The following MACF1 variants were observed in gnomAD, a reference collection of about 807,000 sequenced individuals.
MACF1 encodes microtubule actin crosslinking factor 1.
In MACF1, 193 loss-of-function variants were observed where a neutral mutation model predicts 854.8. The observed-to-expected ratio is 0.23, with a 90% CI of 0.20 to 0.25. The LOEUF (loss-of-function observed/expected upper bound fraction) is 0.25. MACF1 is among the 10% of genes least tolerant of loss of function. The pLI is 1.00. For missense variants in MACF1, 7,722 were observed against 8,929.1 expected, an observed-to-expected ratio of 0.86 and a Z score of 5.45; for synonymous variants, 3,185 against 3,226.7, an observed-to-expected ratio of 0.99 and a Z score of 0.44.
chr1:39,105,769 C>T lies in MACF1; in HGVS notation c.220+21331C>T. 9.5e-7 allele frequency: 1 copy of T among 1,055,714 alleles called. No homozygotes were observed. The highest frequency in any genetic ancestry group is 1.2e-6 in the Non-Finnish European group (1 of 868,496). The allele number at this position is 1,055,714 out of a possible 1,614,324, so 65.4% of individuals were successfully genotyped here. A position where few individuals can be genotyped will look rare whatever the true frequency, so the allele number is the denominator to read the frequency against. On this transcript the variant is annotated intron_variant, in intron 2 of 93. Transcript: ENST00000361689. This position sits in a 1 kb window ranked among gnomAD's most constrained non-coding sequence, Gnocchi z 5.9. Reference sequence around the variant, plus strand: ...AGGCCCGCGGGCCGGCGCAGCGTGGCCTTCGGAGCCGGTCGGCTCGGCGGC... The same window carrying T: ...AGGCCCGCGGGCCGGCGCAGCGTGGTCTTCGGAGCCGGTCGGCTCGGCGGC...
chr1:39,318,398 A>T lies in MACF1; in HGVS notation c.3783-55A>T, dbSNP rs1025942455. On this transcript the variant is annotated intron_variant, in intron 29 of 100. Coordinates refer to ENST00000564288, the MANE Select transcript of MACF1 (RefSeq NM_001394062.1). ...GGTTAAAGAGGGAATTACCTCATTT[A>T]CTTTATTGTATTTGTACCAAGGTAT... The T allele has an allele frequency of 4.7e-6, 7 of 1,496,216 alleles. No homozygotes were observed. In the Admixed American group the frequency reaches 1.1e-4, roughly 23 times the overall value. The allele number at this position is 1,496,216 out of a possible 1,614,324, so 92.7% of individuals were successfully genotyped here.
At chr1:39,271,112 G>A (rs944484339) in intron 6 of MACF1, among the ~76,000 whole-genome samples, 3 of 152,178 alleles carry the variant, frequency 2.0e-5, no homozygotes, top group Admixed American at 6.5e-5. Flanking sequence ...GATATGGGGC[G>A]CATGAATGTA....
Position 39,414,505 on chromosome 1 carries a change from G to A in MACF1, c.15817-7869G>A, listed in dbSNP as rs750855700. Reference sequence around the variant, plus strand: ...AATTGTCCATTTTGATTCTGGGAAGGGTCTAAAGAGTAAAGTGAGATTTGC... The same window carrying A: ...AATTGTCCATTTTGATTCTGGGAAGAGTCTAAAGAGTAAAGTGAGATTTGC... On this transcript the variant is annotated intron_variant, in intron 58 of 100. Transcript: ENST00000564288. 4 of 1,612,782 alleles carry A rather than the reference G, an allele frequency of 2.5e-6. No individual in the cohort carries two copies. In the South Asian group the frequency reaches 4.4e-5, roughly 18 times the overall value.
Position 39,105,322 on chromosome 1 carries a change from GCCGCCGCCGCCGC to G in MACF1, c.220+20892_220+20904del. 1 of 822,574 alleles carries G rather than the reference GCCGCCGCCGCCGC, an allele frequency of 1.2e-6. No individual in the cohort carries two copies. Among genetic ancestry groups the G allele is most frequent in the South Asian group, 5.5e-5 (1 of 18,228 alleles). 51.0% of individuals were successfully genotyped at this position (822,574 alleles called of 1,614,324 possible). A position where few individuals can be genotyped will look rare whatever the true frequency, so the allele number is the denominator to read the frequency against. ...GGGCCTGGCGCTCCTGACAGGAGGAGCCGCCGCCGCCGCCCGCCGCTGCAGCCGCGCCGGGGCG... is the reference window on the plus strand; with the variant it reads ...GGGCCTGGCGCTCCTGACAGGAGGAGCCGCCGCTGCAGCCGCGCCGGGGCG... On this transcript the variant is annotated intron_variant, in intron 2 of 93. Coordinates refer to the MACF1 transcript ENST00000361689. This position sits in a 1 kb window ranked among gnomAD's most constrained non-coding sequence, Gnocchi z 5.9.
Position 39,413,075 on chromosome 1 carries a change from C to G in MACF1, c.15817-9299C>G, listed in dbSNP as rs1472263703. On this transcript the variant is annotated intron_variant, in intron 58 of 100. Transcript: ENST00000564288. ...CCAGAGGAGACTGCTCCAGCTGTTG[C>G]AGCAGCCATCACACAGGAGGGTATG... 1.9e-6 allele frequency: 3 copies of G among 1,600,840 alleles called. No individual in the cohort carries two copies. The Admixed American group carries it at 5.2e-5, about 28-fold the overall frequency.
chr1:39,130,161 C>A (rs1257553278), intron 2 of MACF1, among the ~76,000 whole-genome samples: 3 of 152,154 alleles, frequency 2.0e-5, no homozygotes, highest in African/African-American at 7.2e-5. Flanking sequence ...ATTTTTCCCC[C>A]CCATTCATGG....
In MACF1 at chr1:39,439,286, A is replaced by T; in HGVS notation, c.18233A>T (p.Lys6078Ile). The T allele has an allele frequency of 1.2e-6, 2 of 1,610,284 alleles. No homozygotes were observed. The highest frequency in any genetic ancestry group is 1.7e-6 in the Non-Finnish European group (2 of 1,176,596). The change falls in exon 72 of 101, where the codon AAA (lysine) becomes ATA (isoleucine). Residue 6078 changes from lysine (K) to isoleucine (I), a missense_variant. Lys to Ile is a moderately radical substitution (Grantham distance 102). This residue lies in a region of MACF1 where 2,807 missense variants were observed against 3,235.8 expected (regional missense o/e 0.87). Transcript: ENST00000564288. ...TTAACCTCCTCAGAAATCCAGGATAAATTGGATCAAATGGTATTCTTCTGG... is the reference window on the plus strand; with the variant it reads ...TTAACCTCCTCAGAAATCCAGGATATATTGGATCAAATGGTATTCTTCTGG... The part of the protein sequence containing the change: ...KDLAAKEIQD[K>I]LDQMVFFWED...
rs368703261 is a variant in MACF1, at chr1:39,355,375, A to G, written c.11425-2000A>G. Among the ~76,000 whole-genome samples the G allele has an allele frequency of 2.0e-5, 3 of 152,148 alleles. No individual in the cohort carries two copies. The East Asian group carries it at 5.8e-4, about 29-fold the overall frequency. The stretch of plus-strand genomic sequence containing the variant: ...AGAATGAAGGACACCTAGGTGATAT[A>G]CAGACAAGGTTGTAGTACCGCTCCC... On this transcript the variant is annotated intron_variant, in intron 44 of 100. Transcript: ENST00000564288.
At chr1:39,403,360 A>T (rs1297994324) in intron 58 of MACF1, among the ~76,000 whole-genome samples, 1 of 152,118 alleles carries the variant, frequency 6.6e-6, no homozygotes, top group African/African-American at 2.4e-5. Context: ...CGGCCTCCCA[A>T]AGTGCTGGGA....
chr1:39,365,490 A>G (rs1648622455), intron 49 of MACF1, among the ~76,000 whole-genome samples: 1 of 152,184 alleles, frequency 6.6e-6, no homozygotes, highest in Admixed American at 6.5e-5. Flanking sequence ...TTCAACTGCT[A>G]AGTATAATGC....
intron 58 of MACF1, among the ~76,000 whole-genome samples, chr1:39,408,353 C>G (rs926434879): frequency 2.0e-5 from 3 of 152,150 alleles, no homozygotes; most frequent in South Asian, 2.1e-4. Flanking sequence ...TGAGCGTGAC[C>G]GAATTCCTTT....
At chr1:39,278,077 G>A (rs2148372920) in intron 6 of MACF1, among the ~76,000 whole-genome samples, 1 of 152,308 alleles carries the variant, frequency 6.6e-6, no homozygotes, top group East Asian at 1.9e-4. Flanking sequence ...ATATTCTCAG[G>A]CATACTGTTG....
chr1:39,223,865 AT>A (rs1334378608), intron 1 of MACF1, among the ~76,000 whole-genome samples: 1 of 152,150 alleles, frequency 6.6e-6, no homozygotes, highest in Non-Finnish European at 1.5e-5. Context: ...TCACTGAAGG[AT>A]TTTAAGTTAC....
At chr1:39,289,626 A>G (rs1645727682) in intron 15 of MACF1, among the ~76,000 whole-genome samples, 1 of 131,564 alleles carries the variant, frequency 7.6e-6, no homozygotes, top group African/African-American at 2.9e-5. Flanking sequence ...CTCCTTATAT[A>G]TTCCAGTTAT....
intron 2 of MACF1, among the ~76,000 whole-genome samples, chr1:39,118,154 G>C (rs1357039965): frequency 1.3e-5 from 2 of 152,250 alleles, no homozygotes; most frequent in Non-Finnish European, 2.9e-5. Context: ...GGCTCTTCTG[G>C]TACAGTTATC....
chr1:39,190,010 A>C lies in MACF1; in HGVS notation c.221-41172A>C, dbSNP rs12071872. On this transcript the variant is annotated intron_variant, in intron 2 of 93. Coordinates refer to the MACF1 transcript ENST00000361689. ...GAACTCATTTTATGAATGAGTAAAC[A>C]GATCCAGTGTAGTTAAACGATCCTG... 9.3e-3 allele frequency among the ~76,000 whole-genome samples: 1,424 copies of C among 152,354 alleles called. 28 individuals carry two copies. The highest frequency in any genetic ancestry group is 0.033 in the African/African-American group (1,352 of 41,580).
intron 99 of MACF1, 52 bp downstream of exon 99, chr1:39,481,082 A>C: frequency 9.1e-7 from 1 of 1,095,354 alleles, no homozygotes; most frequent in South Asian, 1.3e-5. Flanking sequence ...GGCCCTCGCT[A>C]CTGGACTTGA....
At chr1:39,267,215 A>C (rs1645243685) in intron 6 of MACF1, among the ~76,000 whole-genome samples, 1 of 152,152 alleles carries the variant, frequency 6.6e-6, no homozygotes, top group Non-Finnish European at 1.5e-5. Flanking sequence ...CTATTAATCA[A>C]CTTTCTTAAA....
At chr1:39,178,682 C>T (rs1005737326) in intron 2 of MACF1, among the ~76,000 whole-genome samples, 71 of 152,276 alleles carry the variant, frequency 4.7e-4, no homozygotes, top group African/African-American at 1.6e-3. Context: ...CTTTACTGGG[C>T]ACATTCCAGC....
Sources: allele counts gnomAD v4.1 joint callset (sites outside exome capture counted in the v4.1 genomes callset), GRCh38; gene constraint gnomAD v4.1.1; regional missense constraint gnomAD v4.1.1; non-coding constraint Gnocchi (gnomAD v3.1); transcripts MANE v1.5; gene names NCBI Gene and HGNC (gene_info 2026-07-23, HGNC 2026-07-21).